Variants in SGCZ observed in about 807,000 individuals in gnomAD.
SGCZ encodes zeta-sarcoglycan.
Under a neutral mutation model 41.3 loss-of-function variants are expected in SGCZ, and 40 were observed. The observed-to-expected ratio is 0.97, with a 90% CI of 0.75 to 1.26. The LOEUF (loss-of-function observed/expected upper bound fraction) is 1.26. SGCZ is among the 50% of genes most tolerant of loss of function. The probability of loss-of-function intolerance (pLI) is 0.00; values close to 1 mark genes in which losing one functional copy is unlikely to be tolerated. For missense variants in SGCZ, 552 were observed against 369.8 expected (o/e 1.49, Z -4.04); for synonymous variants, 206 against 137.5 (o/e 1.50, Z -3.49).
At chr8:14,555,965 T>C (rs1253570481) in intron 1 of SGCZ, among the ~76,000 whole-genome samples, 2 of 152,060 alleles carry the variant, frequency 1.3e-5, no homozygotes, top group African/African-American at 4.8e-5. Context: ...TATTTCATAA[T>C]GTAATGAAAT....
chr8:14,328,845 C>T (rs572881639), intron 2 of SGCZ, among the ~76,000 whole-genome samples: 3 of 152,094 alleles, frequency 2.0e-5, no homozygotes, highest in African/African-American at 2.4e-5. Context: ...GAACTAAGGC[C>T]CTTATAAAAG....
In SGCZ at chr8:15,178,297, A is replaced by G. The variant is rs140001643; in HGVS notation, c.39+59288T>C. ...TACATTTTTCTATAAATTTTGTTTT[A>G]CCAATCACCTAAATATTACAGCATT... On this transcript the variant is annotated intron_variant, in intron 1 of 7. Transcript: ENST00000382080. Among the ~76,000 whole-genome samples the G allele has an allele frequency of 5.7e-3, 862 of 152,114 alleles. 9 individuals carry two copies. The highest frequency in any genetic ancestry group is 0.019 in the African/African-American group (808 of 41,490).
intron 2 of SGCZ, among the ~76,000 whole-genome samples, chr8:14,506,344 T>A (rs1188948759): frequency 6.6e-6 from 1 of 152,172 alleles, no homozygotes; most frequent in Non-Finnish European, 1.5e-5. Context: ...ATTTGTACAT[T>A]AGCTCCCGTT....
chr8:14,211,286 G>T (rs1360589373), intron 4 of SGCZ, among the ~76,000 whole-genome samples: 1 of 152,042 alleles, frequency 6.6e-6, no homozygotes, highest in African/African-American at 2.4e-5. Context: ...TACTGCAGAT[G>T]GGTGTCTCCT....
At chr8:14,674,935 T>C (rs1019591047) in intron 1 of SGCZ, among the ~76,000 whole-genome samples, 14,077 of 97,482 alleles carry the variant, frequency 0.14, 1,690 homozygotes, top group South Asian at 0.24. Flanking sequence ...TCTGTTTTTT[T>C]TTTTTTTTTT....
chr8:14,831,680 A>G (rs7832178), intron 1 of SGCZ, among the ~76,000 whole-genome samples: 99,465 of 151,632 alleles, frequency 0.66, 34,432 homozygotes, highest in African/African-American at 0.87. Flanking sequence ...GTCTCAGTAT[A>G]CAATTATACT....
intron 3 of SGCZ, among the ~76,000 whole-genome samples, chr8:14,266,082 C>A (rs138189879): frequency 1.3e-5 from 2 of 152,008 alleles, no homozygotes; most frequent in African/African-American, 4.8e-5. Context: ...CAGAAAACTC[C>A]CCAAACCTAA....
intron 1 of SGCZ, among the ~76,000 whole-genome samples, chr8:15,169,453 C>T (rs1234848129): frequency 6.6e-6 from 1 of 152,142 alleles, no homozygotes; most frequent in Non-Finnish European, 1.5e-5. Context: ...ACTGTTTTCC[C>T]CTTTTCTTCC....
At chr8:15,117,184 C>A (rs1287997637) in intron 1 of SGCZ, among the ~76,000 whole-genome samples, 1 of 151,990 alleles carries the variant, frequency 6.6e-6, no homozygotes, top group South Asian at 2.1e-4. Flanking sequence ...ACGGTGAAAC[C>A]CCGTCTCTAC....
At chr8:14,873,392 T>C (rs1804236714) in intron 1 of SGCZ, among the ~76,000 whole-genome samples, 1 of 152,120 alleles carries the variant, frequency 6.6e-6, no homozygotes, top group African/African-American at 2.4e-5. Flanking sequence ...GAATTATAGA[T>C]TGCCTCTGGA....
chr8:15,039,400 T>C (rs934509892), intron 1 of SGCZ, among the ~76,000 whole-genome samples: 3 of 152,176 alleles, frequency 2.0e-5, no homozygotes, highest in Non-Finnish European at 4.4e-5. Flanking sequence ...ATGATATTAC[T>C]TACATGTGGC....
intron 5 of SGCZ, among the ~76,000 whole-genome samples, chr8:14,113,533 T>TTTGAG (rs1157136547): frequency 1.3e-5 from 2 of 152,222 alleles, no homozygotes; most frequent in East Asian, 3.9e-4. Flanking sequence ...TCCAGCCTTT[T>TTTGAG]TTGAGTTTTC....
chr8:14,830,983 G>C (rs906799148), intron 1 of SGCZ, among the ~76,000 whole-genome samples: 2 of 152,122 alleles, frequency 1.3e-5, no homozygotes, highest in African/African-American at 4.8e-5. Flanking sequence ...AAGAGCTCTT[G>C]AAAGGAGCCA....
chr8:14,243,987 G>C (rs898719811), intron 3 of SGCZ, among the ~76,000 whole-genome samples: 3 of 152,242 alleles, frequency 2.0e-5, no homozygotes, highest in African/African-American at 7.2e-5. Context: ...AGTATAGTTT[G>C]TGTCACGCTT....
chr8:14,248,751 A>T (rs1242942700), intron 3 of SGCZ, among the ~76,000 whole-genome samples: 2 of 134,242 alleles, frequency 1.5e-5, no homozygotes, highest in Non-Finnish European at 3.4e-5. Context: ...GTTGAAAAAA[A>T]ATCTTTTTTT....
intron 1 of SGCZ, among the ~76,000 whole-genome samples, chr8:15,050,041 G>T (rs145340291): frequency 1.1e-3 from 167 of 152,270 alleles, no homozygotes; most frequent in African/African-American, 3.8e-3. Flanking sequence ...ACAGTCAATA[G>T]TTGGGACTTT....
intron 5 of SGCZ, among the ~76,000 whole-genome samples, chr8:14,162,974 C>T (rs1422809903): frequency 3.9e-5 from 6 of 152,146 alleles, no homozygotes; most frequent in African/African-American, 4.8e-5. Flanking sequence ...GGGCTCAAGC[C>T]ATCCTCCCAC....
At chr8:14,356,351 C>A (rs1248969190) in intron 2 of SGCZ, among the ~76,000 whole-genome samples, 1 of 152,110 alleles carries the variant, frequency 6.6e-6, no homozygotes, top group Non-Finnish European at 1.5e-5. Flanking sequence ...TGGTGTTTAT[C>A]AATGGAGTGA....
intron 2 of SGCZ, among the ~76,000 whole-genome samples, chr8:14,339,370 C>G (rs866294210): frequency 1.3e-5 from 2 of 152,126 alleles, no homozygotes; most frequent in African/African-American, 4.8e-5. Flanking sequence ...TGGTTGTTCT[C>G]TAAATGTTTA....
Sources: gnomAD v4.1 joint callset for allele counts (sites outside exome capture counted in the v4.1 genomes callset) on GRCh38, gnomAD v4.1.1 for gene constraint, MANE v1.5 for transcripts, NCBI Gene and HGNC (gene_info 2026-07-23, HGNC 2026-07-21) for gene names.